Variants in SLC28A3 observed in about 807,000 individuals in gnomAD.
The protein encoded by SLC28A3 is solute carrier family 28 member 3, also known as concentrative Na(+)-nucleoside cotransporter 3.
A neutral mutation model predicts 84.2 loss-of-function variants in SLC28A3; 68 were observed. That is an observed-to-expected ratio of 0.81 (90% CI 0.66 to 0.99). The LOEUF (loss-of-function observed/expected upper bound fraction) is 0.99, where lower values mean the gene tolerates loss of function less well. Among genes scored for constraint, SLC28A3 ranks in the 50% least tolerant of loss-of-function variants. The pLI is 0.00. For synonymous variants in SLC28A3, 267 were observed against 303.6 expected, an observed-to-expected ratio of 0.88 and a Z score of 1.25; for missense variants, 712 against 841.5, an observed-to-expected ratio of 0.85 and a Z score of 1.90.
chr9:84,332,121 G>A (rs1457066636), intron 1 of SLC28A3, among the ~76,000 whole-genome samples: 1 of 152,162 alleles, frequency 6.6e-6, no homozygotes, highest in Non-Finnish European at 1.5e-5. Context: ...CAATGTGAAT[G>A]AAAGTATAAG....
At chr9:84,352,892 CAAAAAAA>C in the SLC28A3 span, among the ~76,000 whole-genome samples, 1 of 72,810 alleles carries the variant, frequency 1.4e-5, no homozygotes, top group Admixed American at 1.8e-4. Context: ...GATTCTGTCT[CAAAAAAA>C]AAAAAAAAAA....
Position 84,309,686 on chromosome 9 carries a change from T to A in SLC28A3, c.185A>T (p.Asp62Val). ...QDEEQVTVEQ[D>V]SPRNREHMED... ...CATGTGTTCTCTGTTTCTTGGAGAA[T>A]CCTGCTCAACTGTGACCTGTTCTTC... Residue 62 changes from aspartate (D) to valine (V), a missense_variant, in exon 3 of 18, where the codon GAT (aspartate) becomes GTT (valine). Transcript: ENST00000376238. 1.2e-6 allele frequency: 2 copies of A among 1,614,034 alleles called. No homozygotes were observed. The highest frequency in any genetic ancestry group is 1.7e-6 in the Non-Finnish European group (2 of 1,179,990).
chr9:84,317,065 C>T (rs965891665), intron 1 of SLC28A3, among the ~76,000 whole-genome samples: 1 of 152,066 alleles, frequency 6.6e-6, no homozygotes, highest in African/African-American at 2.4e-5. Context: ...TACCATGATC[C>T]ACATTTTCAC....
At chr9:84,342,001 C>T (rs377626741), upstream of SLC28A3, among the ~76,000 whole-genome samples, 7 of 151,626 alleles carry the variant, frequency 4.6e-5, no homozygotes, top group East Asian at 1.9e-4. Flanking sequence ...TGATAACGTG[C>T]GCCTGTAGTC....
the SLC28A3 span, among the ~76,000 whole-genome samples, chr9:84,367,199 A>G: frequency 6.6e-6 from 1 of 152,254 alleles, no homozygotes; most frequent in East Asian, 1.9e-4. Context: ...AAGTACTGCC[A>G]TACTACCGCC....
At chr9:84,297,400 T>C (rs1427502481) in intron 7 of SLC28A3, 102 bp from the exon 8 acceptor site, 5 of 856,954 alleles carry the variant, frequency 5.8e-6, no homozygotes, top group Non-Finnish European at 9.2e-6. Flanking sequence ...CCAGCAAATG[T>C]GTTGGATAGA....
the SLC28A3 span, among the ~76,000 whole-genome samples, chr9:84,360,002 C>CAAAAAAAA: frequency 1.8e-5 from 1 of 56,250 alleles, no homozygotes; most frequent in South Asian, 6.0e-4. Flanking sequence ...AACTCTGTCT[C>CAAAAAAAA]AAAAAAAAAA....
chr9:84,301,560 A>G (rs1304714849), intron 5 of SLC28A3, among the ~76,000 whole-genome samples: 1 of 152,136 alleles, frequency 6.6e-6, no homozygotes, highest in Non-Finnish European at 1.5e-5. Flanking sequence ...TCAGCCTCCC[A>G]TGTTCTATGA....
chr9:84,366,086 G>A, the SLC28A3 span, among the ~76,000 whole-genome samples: 12 of 151,992 alleles, frequency 7.9e-5, no homozygotes, highest in Admixed American at 3.3e-4. Context: ...GGGTGCATTC[G>A]GGGTGGTATG....
intron 1 of SLC28A3, among the ~76,000 whole-genome samples, chr9:84,331,517 C>T (rs1369235959): frequency 2.0e-5 from 3 of 152,114 alleles, no homozygotes; most frequent in Non-Finnish European, 4.4e-5. Context: ...ATTTAACAAA[C>T]TCTCCAAACC....
At chr9:84,356,456 C>G in the SLC28A3 span, among the ~76,000 whole-genome samples, 3 of 152,202 alleles carry the variant, frequency 2.0e-5, no homozygotes, top group African/African-American at 7.2e-5. Context: ...TCTGCTAAAT[C>G]CCTGGGGCTC....
chr9:84,289,244 T>C (rs961377394), intron 11 of SLC28A3, among the ~76,000 whole-genome samples: 3 of 152,190 alleles, frequency 2.0e-5, no homozygotes, highest in South Asian at 2.1e-4. Context: ...CCTTTCTTCT[T>C]GCCTCTTCCT....
In SLC28A3 at chr9:84,278,255, G is replaced by A. The variant is rs1369304385; in HGVS notation, c.2039C>T (p.Ser680Leu). 9.9e-6 allele frequency: 16 copies of A among 1,613,908 alleles called. No homozygotes were observed. Among genetic ancestry groups the A allele is most frequent in the African/African-American group, 1.3e-5 (1 of 74,864 alleles). The change falls in exon 18 of 18, where the codon TCG becomes TTG. Residue 680 changes from serine to leucine, a missense_variant. By Grantham distance (145) the Ser-to-Leu change is moderately radical. Transcript: ENST00000376238. Reference sequence around the variant, plus strand: ...AGAGATCCCATTGCAGTTAAAGGTCGATGGATTCAACAATGTGCAGCAGCC... The same window carrying A: ...AGAGATCCCATTGCAGTTAAAGGTCAATGGATTCAACAATGTGCAGCAGCC... ...LKGCCTLLNP[S>L]TFNCNGISNT...
the SLC28A3 span, among the ~76,000 whole-genome samples, chr9:84,349,088 C>A: frequency 6.6e-6 from 1 of 151,984 alleles, no homozygotes; most frequent in African/African-American, 2.4e-5. Flanking sequence ...TGCAGGCGGG[C>A]TGAGTCCAAA....
intron 12 of SLC28A3, among the ~76,000 whole-genome samples, chr9:84,286,970 G>A (rs1393414737): frequency 1.3e-5 from 2 of 152,128 alleles, no homozygotes; most frequent in East Asian, 1.9e-4. Flanking sequence ...TTGGGAAGCC[G>A]AGGCAGGTAG....
At chr9:84,336,193 G>A (rs555969418) in intron 1 of SLC28A3, among the ~76,000 whole-genome samples, 1 of 152,004 alleles carries the variant, frequency 6.6e-6, no homozygotes, top group Non-Finnish European at 1.5e-5. Context: ...GGTGAAACCC[G>A]ATTTCTACAA....
intron 8 of SLC28A3, among the ~76,000 whole-genome samples, chr9:84,296,322 A>G (rs1024120848): frequency 2.6e-5 from 4 of 152,222 alleles, no homozygotes; most frequent in Admixed American, 2.6e-4. Context: ...TACAAACAGC[A>G]GAGGTTCTCT....
chr9:84,302,212 A>C lies in SLC28A3; in HGVS notation c.512T>G (p.Phe171Cys), dbSNP rs1564158241. The change falls in exon 5 of 18, where the codon TTC becomes TGC. Residue 171 changes from phenylalanine to cysteine, a missense_variant. Phe to Cys is a radical substitution (Grantham distance 205). Transcript: ENST00000376238. ...PGRRLLNSHW[F>C]WLKWVIWSSL... ...CAATTGCATTTACCACTTCAGCCAGAACCAATGGCTGTTTAGAAGCCTTCT... is the reference window on the plus strand; with the variant it reads ...CAATTGCATTTACCACTTCAGCCAGCACCAATGGCTGTTTAGAAGCCTTCT... 20 of 1,613,978 alleles carry C rather than the reference A, an allele frequency of 1.2e-5. No homozygotes were observed. The highest frequency in any genetic ancestry group is 1.4e-5 in the Non-Finnish European group (17 of 1,179,976).
the SLC28A3 span, among the ~76,000 whole-genome samples, chr9:84,358,668 G>T: frequency 6.6e-6 from 1 of 152,120 alleles, no homozygotes; most frequent in South Asian, 2.1e-4. Context: ...TCTCCTCAGG[G>T]CCTAGCACTA....
Sources: allele counts gnomAD v4.1 joint callset (sites outside exome capture counted in the v4.1 genomes callset), GRCh38; gene constraint gnomAD v4.1.1; transcripts MANE v1.5; gene names NCBI Gene and HGNC (gene_info 2026-07-23, HGNC 2026-07-21).